CDYL2: variants seen among roughly 807,000 people sequenced by gnomAD.
The protein encoded by CDYL2 is chromodomain Y-like protein 2.
A neutral mutation model predicts 49.4 loss-of-function variants in CDYL2; 23 were observed. That is an observed-to-expected ratio of 0.47 (90% CI 0.34 to 0.66). The LOEUF is 0.66. CDYL2 is among the 30% of genes least tolerant of loss of function. The probability of loss-of-function intolerance (pLI) is 0.01; values close to 1 mark genes in which losing one functional copy is unlikely to be tolerated. For missense variants in CDYL2, 678 were observed against 656.4 expected, an observed-to-expected ratio of 1.03 and a Z score of -0.36; for synonymous variants, 360 against 268.8, an observed-to-expected ratio of 1.34 and a Z score of -3.32.
chr16:80,795,917 G>C (rs1053887201), intron 1 of CDYL2, among the ~76,000 whole-genome samples: 5 of 152,204 alleles, frequency 3.3e-5, no homozygotes, highest in Non-Finnish European at 5.9e-5. Context: ...TTCAAAAATA[G>C]AAGAGATCTC....
intron 2 of CDYL2, among the ~76,000 whole-genome samples, chr16:80,657,035 G>C (rs905817480): frequency 5.3e-5 from 8 of 152,208 alleles, no homozygotes; most frequent in Non-Finnish European, 7.3e-5. Context: ...CAGAGAGAGA[G>C]AGAAGGAACG....
chr16:80,638,073 A>C (rs1461099501), intron 2 of CDYL2, among the ~76,000 whole-genome samples: 1 of 149,924 alleles, frequency 6.7e-6, no homozygotes, highest in Non-Finnish European at 1.5e-5. Flanking sequence ...GAATTGAAAG[A>C]CTCCATTTTT....
intron 1 of CDYL2, among the ~76,000 whole-genome samples, chr16:80,793,191 G>C (rs1220279508): frequency 2.0e-5 from 3 of 152,214 alleles, no homozygotes; most frequent in African/African-American, 7.2e-5. Context: ...GGCTAGAGTA[G>C]AAAGGCAAAG....
Position 80,620,878 on chromosome 16 carries a change from G to T in CDYL2, c.892C>A (p.Leu298Met), listed in dbSNP as rs1226452196. The T allele has an allele frequency of 6.2e-7, 1 of 1,611,992 alleles. No homozygotes were observed. ...ACGCTCCCCACTGCGCTGAGGAGCA[G>T]CAGTTTGCTGTCGTCTGTGGCTGCG... ...CNAATDDSKL[L>M]LLSAVGSVFC... Residue 298 changes from leucine (L) to methionine (M), a missense_variant, in exon 4 of 7, where the codon CTG (leucine) becomes ATG (methionine). By Grantham distance (15) the Leu-to-Met change is conservative (BLOSUM62 2). This residue lies in a region of CDYL2 where 478 missense variants were observed against 427.0 expected (regional missense o/e 1.12). Transcript: ENST00000570137.
At chr16:80,737,045 G>C (rs1486242869) in intron 1 of CDYL2, among the ~76,000 whole-genome samples, 2 of 152,162 alleles carry the variant, frequency 1.3e-5, no homozygotes, top group East Asian at 3.9e-4. Context: ...GGAAAGAGAA[G>C]ACAAGGAAAG....
intron 2 of CDYL2, among the ~76,000 whole-genome samples, chr16:80,683,625 A>G (rs1000429769): frequency 8.5e-5 from 13 of 152,222 alleles, no homozygotes; most frequent in Non-Finnish European, 1.6e-4. Flanking sequence ...CTGAACATTT[A>G]TGTTCTGCCA....
At chr16:80,713,635 T>C (rs1335183416) in intron 1 of CDYL2, among the ~76,000 whole-genome samples, 1 of 152,178 alleles carries the variant, frequency 6.6e-6, no homozygotes, top group Non-Finnish European at 1.5e-5. Context: ...ATCTCCTGTC[T>C]TCTAATAATG....
chr16:80,694,360 C>T (rs1390456073), intron 1 of CDYL2, among the ~76,000 whole-genome samples: 1 of 152,052 alleles, frequency 6.6e-6, no homozygotes. Flanking sequence ...GTTAGGAACC[C>T]CTGCTCTAGT....
chr16:80,624,187 T>C (rs1907205963), intron 3 of CDYL2, among the ~76,000 whole-genome samples: 1 of 152,152 alleles, frequency 6.6e-6, no homozygotes, highest in Non-Finnish European at 1.5e-5. Flanking sequence ...GCTGAAAAGG[T>C]ACAGGCTTTG....
chr16:80,786,925 G>T (rs995069102), intron 1 of CDYL2, among the ~76,000 whole-genome samples: 2 of 152,026 alleles, frequency 1.3e-5, no homozygotes, highest in Non-Finnish European at 2.9e-5. Flanking sequence ...TGTGGGGGGT[G>T]GGGGGCTAGG....
chr16:80,629,299 C>T (rs8060464), intron 3 of CDYL2, among the ~76,000 whole-genome samples: 17,029 of 152,248 alleles, frequency 0.11, 3,045 homozygotes, highest in African/African-American at 0.38. Context: ...CTAATTACAG[C>T]AGTCCAGACA....
intron 1 of CDYL2, among the ~76,000 whole-genome samples, chr16:80,756,208 A>C (rs984286460): frequency 2.0e-5 from 3 of 152,162 alleles, no homozygotes; most frequent in Non-Finnish European, 4.4e-5. Context: ...GAAATGAAGC[A>C]TTAACATAAT....
At chr16:80,719,697 T>A (rs1904934219) in intron 1 of CDYL2, among the ~76,000 whole-genome samples, 2 of 152,156 alleles carry the variant, frequency 1.3e-5, no homozygotes, top group South Asian at 4.1e-4. Context: ...TGTCTTGTCC[T>A]CTCTACTGTG....
chr16:80,636,808 G>A (rs895997573), intron 2 of CDYL2, among the ~76,000 whole-genome samples: 7 of 152,116 alleles, frequency 4.6e-5, no homozygotes, highest in Non-Finnish European at 8.8e-5. Flanking sequence ...CAACCCCAAC[G>A]CCCATCAACG....
intron 2 of CDYL2, among the ~76,000 whole-genome samples, chr16:80,635,165 A>C (rs986287374): frequency 6.6e-6 from 1 of 152,234 alleles, no homozygotes; most frequent in Non-Finnish European, 1.5e-5. Context: ...AAACCAATCA[A>C]TGTGATCCAC....
chr16:80,620,643 T>C (rs762646028), intron 4 of CDYL2, 120 bp downstream of exon 4: 4 of 941,704 alleles, frequency 4.2e-6, no homozygotes, highest in South Asian at 2.3e-5. Context: ...GCACAGGATA[T>C]ACTTATGCTA....
chr16:80,737,287 A>T (rs903664737), intron 1 of CDYL2, among the ~76,000 whole-genome samples: 1 of 152,142 alleles, frequency 6.6e-6, no homozygotes, highest in Non-Finnish European at 1.5e-5. Flanking sequence ...CCTTTCTGGT[A>T]TAGTGGCTTT....
chr16:80,609,086 G>A (rs1906478030), intron 5 of CDYL2, among the ~76,000 whole-genome samples: 1 of 152,162 alleles, frequency 6.6e-6, no homozygotes, highest in Non-Finnish European at 1.5e-5. Flanking sequence ...CTGGGGTCTG[G>A]TGACCTGGGA....
At chr16:80,770,964 G>A (rs1906885581) in intron 1 of CDYL2, among the ~76,000 whole-genome samples, 1 of 152,178 alleles carries the variant, frequency 6.6e-6, no homozygotes, top group South Asian at 2.1e-4. Flanking sequence ...AGAGTCAGCT[G>A]ACAAAAGTTG....
Sources: allele counts gnomAD v4.1 joint callset (sites outside exome capture counted in the v4.1 genomes callset), GRCh38; gene constraint gnomAD v4.1.1; regional missense constraint gnomAD v4.1.1; transcripts MANE v1.5; gene names NCBI Gene and HGNC (gene_info 2026-07-23, HGNC 2026-07-21).